TAFA2: variants seen among roughly 807,000 people sequenced by gnomAD.
TAFA2 encodes the protein chemokine-like protein TAFA-2.
A neutral mutation model predicts 18.8 loss-of-function variants in TAFA2; 7 were observed. The observed-to-expected ratio is 0.37, with a 90% CI of 0.21 to 0.70. TAFA2 has a LOEUF of 0.70. TAFA2 is among the 30% of genes least tolerant of loss of function. The pLI is 0.53. For missense variants in TAFA2, 122 were observed against 158.1 expected (o/e 0.77, Z 1.23); for synonymous variants, 60 against 54.2 (o/e 1.11, Z -0.47).
chr12:61,945,181 A>G (rs1878214899), intron 1 of TAFA2, among the ~76,000 whole-genome samples: 1 of 121,024 alleles, frequency 8.3e-6, no homozygotes, highest in Admixed American at 7.8e-5. Flanking sequence ...AATCCAGCAT[A>G]TAAACAGAGC....
intron 1 of TAFA2, among the ~76,000 whole-genome samples, chr12:62,250,434 ATGTATGAC>A: frequency 6.6e-6 from 1 of 152,052 alleles, no homozygotes; most frequent in Non-Finnish European, 1.5e-5. Context: ...ATGCATGTAT[ATGTATGAC>A]TTGTTTTATT....
chr12:61,953,552 T>C (rs1006831132), intron 1 of TAFA2, among the ~76,000 whole-genome samples: 1 of 149,646 alleles, frequency 6.7e-6, no homozygotes, highest in Non-Finnish European at 1.5e-5. Flanking sequence ...TGCATTATCA[T>C]TTATTTGCTA....
intron 2 of TAFA2, among the ~76,000 whole-genome samples, chr12:61,773,656 G>A (rs1216470393): frequency 6.6e-6 from 1 of 151,944 alleles, no homozygotes; most frequent in African/African-American, 2.4e-5. Context: ...CAAGCCACAT[G>A]TAGAATGAAA....
intron 1 of TAFA2, among the ~76,000 whole-genome samples, chr12:61,984,286 G>A (rs979500551): frequency 6.6e-6 from 1 of 152,208 alleles, no homozygotes; most frequent in Non-Finnish European, 1.5e-5. Flanking sequence ...AATAACAAGA[G>A]AGCCCAGTCC....
chr12:61,967,306 G>A (rs1879101418), intron 1 of TAFA2, among the ~76,000 whole-genome samples: 1 of 151,776 alleles, frequency 6.6e-6, no homozygotes, highest in South Asian at 2.1e-4. Flanking sequence ...GACTTGGCTT[G>A]CTCCCAAGTA....
chr12:62,059,027 C>CG (rs1468690386), intron 1 of TAFA2, among the ~76,000 whole-genome samples: 1 of 151,928 alleles, frequency 6.6e-6, no homozygotes, highest in African/African-American at 2.4e-5. Flanking sequence ...GGCGGGAACC[C>CG]GGGAGGCGGA....
At chr12:61,814,197 G>A (rs1267174725) in intron 2 of TAFA2, among the ~76,000 whole-genome samples, 1 of 151,350 alleles carries the variant, frequency 6.6e-6, no homozygotes, top group African/African-American at 2.5e-5. Flanking sequence ...GAAATTTGAA[G>A]AAGAGCATTT....
At chr12:61,958,823 A>G (rs1878785651) in intron 1 of TAFA2, among the ~76,000 whole-genome samples, 1 of 151,994 alleles carries the variant, frequency 6.6e-6, no homozygotes, top group Non-Finnish European at 1.5e-5. Context: ...TTTTTTCTAT[A>G]TAGGTAACGG....
chr12:61,793,610 T>G (rs1234131642), intron 2 of TAFA2, among the ~76,000 whole-genome samples: 1 of 151,740 alleles, frequency 6.6e-6, no homozygotes, highest in African/African-American at 2.4e-5. Flanking sequence ...TTAACAACCT[T>G]CCCACTATGA....
intron 1 of TAFA2, among the ~76,000 whole-genome samples, chr12:62,125,339 G>A (rs893392561): frequency 6.6e-6 from 1 of 152,098 alleles, no homozygotes; most frequent in African/African-American, 2.4e-5. Context: ...TAAGTATGGG[G>A]CCCTGTGTGA....
intron 1 of TAFA2, among the ~76,000 whole-genome samples, chr12:62,133,542 ACCTTATCTC>A (rs1315235315): frequency 6.6e-6 from 1 of 152,026 alleles, no homozygotes; most frequent in Non-Finnish European, 1.5e-5. Flanking sequence ...CATCCCAGAA[ACCTTATCTC>A]CATTATGTGA....
At chr12:62,133,916 T>C (rs1445165252) in intron 1 of TAFA2, among the ~76,000 whole-genome samples, 4 of 152,008 alleles carry the variant, frequency 2.6e-5, no homozygotes, top group African/African-American at 9.7e-5. Flanking sequence ...TTCTTACCTA[T>C]AAAACTGGAG....
At chr12:62,164,591 G>A (rs1376377523) in intron 1 of TAFA2, among the ~76,000 whole-genome samples, 1 of 152,012 alleles carries the variant, frequency 6.6e-6, no homozygotes, top group Non-Finnish European at 1.5e-5. Context: ...CTCGTGACAT[G>A]AGTTTACCCA....
chr12:61,846,663 A>G (rs1470776234), intron 2 of TAFA2, among the ~76,000 whole-genome samples: 1 of 152,244 alleles, frequency 6.6e-6, no homozygotes, highest in East Asian at 1.9e-4. Context: ...CATAACTTAA[A>G]CATTATTTCA....
chr12:61,955,633 A>ATT (rs1878657373), intron 1 of TAFA2, among the ~76,000 whole-genome samples: 2 of 8,778 alleles, frequency 2.3e-4, no homozygotes, highest in Non-Finnish European at 4.4e-4. Flanking sequence ...AAAAAAAAAA[A>ATT]TATATATATA....
intron 1 of TAFA2, among the ~76,000 whole-genome samples, chr12:62,049,529 C>T (rs182632188): frequency 6.6e-6 from 1 of 152,064 alleles, no homozygotes. Context: ...GGGAGAGCAA[C>T]TAAAACATTT....
intron 1 of TAFA2, among the ~76,000 whole-genome samples, chr12:62,089,852 A>G (rs1184667745): frequency 6.6e-6 from 1 of 152,092 alleles, no homozygotes; most frequent in African/African-American, 2.4e-5. Context: ...GCTTATGCAA[A>G]TATCATTCAT....
At chr12:61,870,730 C>T (rs1203442077) in intron 1 of TAFA2, among the ~76,000 whole-genome samples, 2 of 152,108 alleles carry the variant, frequency 1.3e-5, no homozygotes, top group African/African-American at 4.8e-5. Flanking sequence ...GTTAGCTATT[C>T]CCTCCATTCC....
At chr12:62,092,730 C>A (rs1410156279) in intron 1 of TAFA2, among the ~76,000 whole-genome samples, 1 of 151,958 alleles carries the variant, frequency 6.6e-6, no homozygotes, top group African/African-American at 2.4e-5. Context: ...CATTAACAAA[C>A]ACCTACTATA....
Sources: gnomAD v4.1 joint callset for allele counts (sites outside exome capture counted in the v4.1 genomes callset) on GRCh38, gnomAD v4.1.1 for gene constraint, MANE v1.5 for transcripts, NCBI Gene and HGNC (gene_info 2026-07-23, HGNC 2026-07-21) for gene names.